Variants in EXOC3L4 observed in about 807,000 individuals in gnomAD.
EXOC3L4 encodes exocyst complex component 3 like 4.
EXOC3L4 carries 62 observed loss-of-function variants against 69.7 expected under a neutral mutation model. The ratio of observed to expected loss-of-function variants is 0.89; its 90% CI spans 0.72 to 1.10. The LOEUF (loss-of-function observed/expected upper bound fraction) is 1.10, where lower values mean the gene tolerates loss of function less well. Ranked by LOEUF, EXOC3L4 falls within the 50% of genes least tolerant of loss-of-function variation. The pLI is 0.00. For synonymous variants in EXOC3L4, 502 were observed against 464.2 expected, an observed-to-expected ratio of 1.08 and a Z score of -1.05; for missense variants, 1,087 against 1,034.8, an observed-to-expected ratio of 1.05 and a Z score of -0.69.
intron 2 of EXOC3L4, 28 bp from the exon 3 acceptor site, chr14:103,102,090 T>C: frequency 6.4e-7 from 1 of 1,574,096 alleles, no homozygotes; most frequent in Non-Finnish European, 8.6e-7. Flanking sequence ...GCGGTCCCTC[T>C]CACCGCCCTT....
At chr14:103,106,275 C>A (rs1890543198) in intron 7 of EXOC3L4, among the ~76,000 whole-genome samples, 1 of 152,238 alleles carries the variant, frequency 6.6e-6, no homozygotes, top group Non-Finnish European at 1.5e-5. Flanking sequence ...TTAATCTGTG[C>A]CAGGCTTGTC....
At position 103,104,032 on chromosome 14, in the gene EXOC3L4, G is replaced by T; in HGVS notation, c.1141G>T (p.Asp381Tyr). 2 of 1,576,332 alleles carry T rather than the reference G, an allele frequency of 1.3e-6. No homozygotes were observed. The highest frequency in any genetic ancestry group is 1.7e-6 in the Non-Finnish European group (2 of 1,165,766). ...GGACGTGTGGGCCCGACTGGAGAGC[G>T]ACTACACCAGCTTCCTGGAGGTCAG... is the stretch of plus-strand genomic sequence containing the variant. ...APDVWARLES[D>Y]YTSFLEAKIA... The change falls in exon 4 of 12, where the codon GAC (aspartate) becomes TAC (tyrosine). Residue 381 changes from aspartate to tyrosine, a missense_variant. By Grantham distance (160) the Asp-to-Tyr change is radical. Coordinates refer to ENST00000688303, the MANE Select transcript of EXOC3L4 (RefSeq NM_001077594.2).
At chr14:103,108,175 C>T (rs1258321471) in intron 10 of EXOC3L4, among the ~76,000 whole-genome samples, 4 of 152,104 alleles carry the variant, frequency 2.6e-5, no homozygotes, top group East Asian at 1.9e-4. Flanking sequence ...AGGATGGGAT[C>T]GGAGGGGAGA....
intron 1 of EXOC3L4, among the ~76,000 whole-genome samples, chr14:103,095,690 C>T (rs138544197): frequency 1.4e-4 from 21 of 152,314 alleles, no homozygotes; most frequent in Admixed American, 3.9e-4. Context: ...GGGGCTTATG[C>T]TTTGTTGCTA....
At position 103,109,985 on chromosome 14, in the gene EXOC3L4, G is replaced by A. The variant is rs1352859523; in HGVS notation, c.1977-46G>A. 10 of 1,525,700 alleles carry A rather than the reference G, an allele frequency of 6.6e-6. No individual in the cohort carries two copies. In the South Asian group the frequency reaches 1.0e-4, roughly 15 times the overall value. 94.5% of individuals were successfully genotyped at this position (1,525,700 alleles called of 1,614,324 possible). A position where few individuals can be genotyped will look rare whatever the true frequency, so the allele number is the denominator to read the frequency against. On this transcript the variant is annotated intron_variant, in intron 11 of 11. Transcript: ENST00000688303. ...TTCGCCTCATGCTGGGGCTGGGGGT[G>A]TTGCGGAGGTGTAGGTCTGCAGTGA...
intron 10 of EXOC3L4, 21 bp downstream of exon 10, chr14:103,107,804 C>G (rs986655542): frequency 8.0e-6 from 12 of 1,490,872 alleles, no homozygotes; most frequent in Non-Finnish European, 1.1e-5. Flanking sequence ...CATGACTGCC[C>G]TTCGGTGCTC....
intron 11 of EXOC3L4, among the ~76,000 whole-genome samples, 177 bp downstream of exon 11, chr14:103,108,694 C>A (rs1359270093): frequency 6.6e-6 from 1 of 152,140 alleles, no homozygotes; most frequent in Non-Finnish European, 1.5e-5. Context: ...AGAGCCCCTT[C>A]TCCTAATCTG....
In EXOC3L4 at chr14:103,100,589, T is replaced by TCTGAGGAACTGAAACCC. The variant is rs1225812065; in HGVS notation, c.371_387dup (p.Glu130LeufsTer4). On this transcript the variant is annotated frameshift_variant, in exon 2 of 12. Transcript: ENST00000688303. LOFTEE classifies it high-confidence loss of function. ...CCAGCAGGCATCCACTGGGGCAGCG[T>TCTGAGGAACTGAAACCC]CTGAGGAACTGAAACCCGAGGCAGG... 35 of 1,605,062 alleles carry TCTGAGGAACTGAAACCC rather than the reference T, an allele frequency of 2.2e-5. No homozygotes were observed. Among genetic ancestry groups the TCTGAGGAACTGAAACCC allele is most frequent in the Non-Finnish European group, 2.9e-5 (34 of 1,173,538 alleles).
At chr14:103,108,878 G>T (rs1231147244) in intron 11 of EXOC3L4, among the ~76,000 whole-genome samples, 1 of 152,070 alleles carries the variant, frequency 6.6e-6, no homozygotes, top group Non-Finnish European at 1.5e-5. Context: ...TGGGGGGTCG[G>T]TGAGTCATCC....
intron 2 of EXOC3L4, among the ~76,000 whole-genome samples, chr14:103,101,881 T>C (rs1890204771): frequency 6.6e-6 from 1 of 152,224 alleles, no homozygotes; most frequent in African/African-American, 2.4e-5. Flanking sequence ...TTGACCCAAA[T>C]TGCTCTGTTC....
intron 2 of EXOC3L4, 136 bp from the exon 3 acceptor site, chr14:103,101,982 C>T (rs1890208975): frequency 1.1e-6 from 1 of 920,468 alleles, no homozygotes; most frequent in African/African-American, 1.7e-5. Flanking sequence ...CTGGAGCAGG[C>T]CTTCAGCTGT....
Position 103,102,941 on chromosome 14 carries a change from G to A in EXOC3L4, c.1049+169G>A, listed in dbSNP as rs1473736585. 2.0e-5 allele frequency among the ~76,000 whole-genome samples: 3 copies of A among 152,242 alleles called. 1 individual carries two copies. The South Asian group carries it at 6.2e-4, about 31-fold the overall frequency. On this transcript the variant is annotated intron_variant, in intron 3 of 11. Coordinates refer to ENST00000688303, the MANE Select transcript of EXOC3L4 (RefSeq NM_001077594.2). ...TTTCCTCGGCGGGTTAGGCCGTGGG[G>A]CGCTCCCGCCCCAGGTTTTCTAGGG...
rs528327540 is a variant in EXOC3L4, at chr14:103,102,416, C to T, written c.693C>T (p.Asp231=). 2.4e-5 allele frequency: 37 copies of T among 1,530,532 alleles called. No homozygotes were observed. In the African/African-American group the frequency reaches 4.8e-4, roughly 20 times the overall value. The allele number at this position is 1,530,532 out of a possible 1,614,324, so 94.8% of individuals were successfully genotyped here. ...AAGCCCACCCTTCTCCCCCCGACGA[C>T]GGCGACTTCCTGCGCACGCCGCGCC... is the stretch of plus-strand genomic sequence containing the variant. The part of the protein sequence containing the change: ...EEEAHPSPPD[D]GDFLRTPRRW... The change falls in exon 3 of 12, where the codon GAC becomes GAT. Residue 231 remains aspartate (D), a synonymous_variant. Transcript: ENST00000688303.
chr14:103,106,644 C>G, intron 7 of EXOC3L4, 141 bp from the exon 8 acceptor site: 2 of 585,638 alleles, frequency 3.4e-6, no homozygotes, highest in Non-Finnish European at 6.0e-6. Context: ...CCACTTGACT[C>G]TGCTCGCAGA....
At position 103,103,994 on chromosome 14, in the gene EXOC3L4, C is replaced by T. The variant is rs779198199; in HGVS notation, c.1103C>T (p.Pro368Leu). Reference sequence around the variant, plus strand: ...GCGCTGCCCGCCGAGCCGCTGCCTCCGCTCCTGGCGCCGGACGTGTGGGCC... The same window carrying T: ...GCGCTGCCCGCCGAGCCGCTGCCTCTGCTCCTGGCGCCGGACGTGTGGGCC... ...GLALPAEPLP[P>L]LLAPDVWARL... is the part of the protein sequence containing the mutation. Residue 368 changes from proline (P) to leucine (L), a missense_variant, in exon 4 of 12, where the codon CCG (proline) becomes CTG (leucine). Pro to Leu is a moderately conservative substitution (Grantham distance 98). Transcript: ENST00000688303. 10 of 1,574,366 alleles carry T rather than the reference C, an allele frequency of 6.4e-6. No individual in the cohort carries two copies. The African/African-American group carries it at 8.1e-5, about 13-fold the overall frequency.
chr14:103,104,722 G>T lies in EXOC3L4; in HGVS notation c.1285-16G>T. 2.0e-6 allele frequency: 3 copies of T among 1,487,230 alleles called. No individual in the cohort carries two copies. The highest frequency in any genetic ancestry group is 2.7e-6 in the Non-Finnish European group (3 of 1,120,320). 92.1% of individuals were successfully genotyped at this position (1,487,230 alleles called of 1,614,324 possible). A position where few individuals can be genotyped will look rare whatever the true frequency, so the allele number is the denominator to read the frequency against. ...GGGGGCTGGGAGGCACGCTCAGTGC[G>T]GGGCTTCGCTCGCAGCTCGTGGCCG... On this transcript the variant is annotated splice_polypyrimidine_tract_variant and intron_variant, in intron 5 of 11. Transcript: ENST00000688303.
At chr14:103,104,521 G>T (rs1320039620) in intron 5 of EXOC3L4, 132 bp downstream of exon 5, 2 of 1,361,908 alleles carry the variant, frequency 1.5e-6, no homozygotes, top group Non-Finnish European at 9.5e-7. Flanking sequence ...GGCCCCACGC[G>T]GGGGGAAATC....
chr14:103,101,731 G>A (rs1166681851), intron 2 of EXOC3L4, among the ~76,000 whole-genome samples: 21 of 152,352 alleles, frequency 1.4e-4, no homozygotes, highest in Admixed American at 8.5e-4. Flanking sequence ...CAGCAGGAAT[G>A]TAAAGCTGGA....
At chr14:103,099,173 G>A (rs1442704348) in intron 1 of EXOC3L4, among the ~76,000 whole-genome samples, 1 of 152,148 alleles carries the variant, frequency 6.6e-6, no homozygotes, top group Non-Finnish European at 1.5e-5. Flanking sequence ...TCTCCCAGAG[G>A]AAAGTGAGGT....
Sources: allele counts gnomAD v4.1 joint callset (sites outside exome capture counted in the v4.1 genomes callset), GRCh38; gene constraint gnomAD v4.1.1; transcripts MANE v1.5; gene names NCBI Gene and HGNC (gene_info 2026-07-23, HGNC 2026-07-21).